Variants in CABLES2 observed in about 807,000 individuals in gnomAD.
CABLES2 encodes the protein CDK5 and ABL1 enzyme substrate 2.
CABLES2 carries 35 observed loss-of-function variants against 44.8 expected under a neutral mutation model. That is an observed-to-expected ratio of 0.78 (90% CI 0.60 to 1.04). The LOEUF is 1.04. Ranked by LOEUF, CABLES2 falls within the 50% of genes least tolerant of loss-of-function variation. The pLI is 0.00. For synonymous variants in CABLES2, 282 were observed against 281.1 expected, an observed-to-expected ratio of 1.00 and a Z score of -0.03; for missense variants, 566 against 615.7, an observed-to-expected ratio of 0.92 and a Z score of 0.85.
At chr20:62,405,135 C>T (rs1484474934) in intron 1 of CABLES2, 1 of 152,306 alleles carries the variant, frequency 6.6e-6, no homozygotes, top group Non-Finnish European at 1.5e-5. Context: ...TGCCTGGTGT[C>T]ACCATCCGGT....
At chr20:62,402,232 G>T (rs1988202696) in intron 1 of CABLES2, 1 of 152,274 alleles carries the variant, frequency 6.6e-6, no homozygotes, top group Non-Finnish European at 1.5e-5. Context: ...CTCACAGACA[G>T]GAAGAGAAAT....
At position 62,391,914 on chromosome 20, in the gene CABLES2, C is replaced by T. The variant is rs1042904454; in HGVS notation, c.1092-461G>A. 1.3e-5 allele frequency among the ~76,000 whole-genome samples: 2 copies of T among 152,010 alleles called. No homozygotes were observed. The highest frequency in any genetic ancestry group is 1.3e-4 in the Admixed American group (2 of 15,270). On this transcript the variant is annotated intron_variant, in intron 8 of 9. Coordinates refer to ENST00000279101, the MANE Select transcript of CABLES2 (RefSeq NM_031215.3). This position sits in a 1 kb window ranked among gnomAD's most constrained non-coding sequence, Gnocchi z 5.7. The stretch of plus-strand genomic sequence containing the variant: ...CCCGACGTGAGCCCAGCAGTTCCGC[C>T]GCCTTCTGCTCGCTTTCCTCCGGTC...
At chr20:62,394,909 G>A (rs774682016) in intron 4 of CABLES2, 28 bp downstream of exon 4, 22 of 1,601,448 alleles carry the variant, frequency 1.4e-5, no homozygotes, top group South Asian at 2.2e-5. Context: ...GATGGACACC[G>A]CATGCGAGGC....
chr20:62,398,187 A>ATGGTGATGATGG (rs1988106809), intron 1 of CABLES2, among the ~76,000 whole-genome samples: 1 of 92,660 alleles, frequency 1.1e-5, no homozygotes, highest in East Asian at 3.3e-4. Context: ...GGTGGTGGTG[A>ATGGTGATGATGG]TGGTGATGAT....
rs763201175 is a variant in CABLES2, at chr20:62,390,960, TG to T, written c.*10del. 13 of 1,613,594 alleles carry T rather than the reference TG, an allele frequency of 8.1e-6. No homozygotes were observed. The East Asian group carries it at 2.7e-4, about 33-fold the overall frequency. On this transcript the variant is annotated 3_prime_UTR_variant, in exon 10 of 10. Coordinates refer to ENST00000279101, the MANE Select transcript of CABLES2 (RefSeq NM_031215.3). ...GCACCTCGGTGCCCTGAGCCTTCTG[TG>T]GGGCCTCTGCTAGAACTGCTGGGTG... is the stretch of plus-strand genomic sequence containing the variant.
chr20:62,390,835 C>A lies in CABLES2; in HGVS notation c.*136G>T. ...AATGGCAAAGAGGCAAAAAGGAAAG[C>A]TGCACCAGCGGAGGCCAGGTGCCTC... On this transcript the variant is annotated 3_prime_UTR_variant, in exon 10 of 10. Coordinates refer to ENST00000279101, the MANE Select transcript of CABLES2 (RefSeq NM_031215.3). 2 of 1,000,318 alleles carry A rather than the reference C, an allele frequency of 2.0e-6. No individual in the cohort carries two copies. The highest frequency in any genetic ancestry group is 2.9e-6 in the Non-Finnish European group (2 of 678,652). The allele number at this position is 1,000,318 out of a possible 1,614,324, so 62.0% of individuals were successfully genotyped here.
intron 5 of CABLES2, 91 bp downstream of exon 5, chr20:62,394,066 C>T (rs1363935860): frequency 6.2e-6 from 6 of 960,334 alleles, no homozygotes; most frequent in South Asian, 2.6e-5. Context: ...CACAGCTTCA[C>T]GTGTGCCTCG....
In CABLES2 at chr20:62,406,905, C is replaced by T; in HGVS notation, c.362+10G>A. The stretch of plus-strand genomic sequence containing the variant: ...GCGTCCTGGGCTGACCTGGCCGGGC[C>T]CCCACTCACCTCTGGCGCTGCCCAT... On this transcript the variant is annotated intron_variant, in intron 1 of 9. Transcript: ENST00000279101. 1 of 1,215,008 alleles carries T rather than the reference C, an allele frequency of 8.2e-7. No individual in the cohort carries two copies. Among genetic ancestry groups the T allele is most frequent in the African/African-American group, 1.6e-5 (1 of 63,702 alleles). The allele number at this position is 1,215,008 out of a possible 1,614,324, so 75.3% of individuals were successfully genotyped here. A position where few individuals can be genotyped will look rare whatever the true frequency, so the allele number is the denominator to read the frequency against.
chr20:62,392,348 G>A, intron 8 of CABLES2, 41 bp downstream of exon 8: 1 of 1,411,014 alleles, frequency 7.1e-7, no homozygotes, highest in Non-Finnish European at 1.0e-6. Flanking sequence ...GGCTGGCAGG[G>A]CCTCCCAGGA....
chr20:62,400,915 T>C (rs2146427610), intron 1 of CABLES2, among the ~76,000 whole-genome samples: 1 of 152,376 alleles, frequency 6.6e-6, no homozygotes, highest in African/African-American at 2.4e-5. Context: ...TTTTCTTTTT[T>C]TGTAAGCATC....
intron 1 of CABLES2, among the ~76,000 whole-genome samples, chr20:62,399,308 G>A (rs111594110): frequency 9.8e-4 from 148 of 151,154 alleles, no homozygotes; most frequent in African/African-American, 3.5e-3. Context: ...TGGAGGGGGC[G>A]CCATCTTGGC....
Position 62,392,698 on chromosome 20 carries a change from T to C in CABLES2, c.985-203A>G, listed in dbSNP as rs980503815. On this transcript the variant is annotated intron_variant, in intron 7 of 9. Transcript: ENST00000279101. ...CCTGCTTGGTGTGGGGAGAGCCAGGTTGCCAGGTGCCGAGGGCGGAAGGGC... is the reference window on the plus strand; with the variant it reads ...CCTGCTTGGTGTGGGGAGAGCCAGGCTGCCAGGTGCCGAGGGCGGAAGGGC... Among the ~76,000 whole-genome samples, 48 of 152,154 alleles carry C rather than the reference T, an allele frequency of 3.2e-4. 1 individual carries two copies. Among genetic ancestry groups the C allele is most frequent in the Non-Finnish European group, 6.5e-4 (44 of 68,006 alleles).
chr20:62,391,533 G>T lies in CABLES2; in HGVS notation c.1092-80C>A. On this transcript the variant is annotated intron_variant, in intron 8 of 9. Coordinates refer to ENST00000279101, the MANE Select transcript of CABLES2 (RefSeq NM_031215.3). The surrounding 1 kb of genome is among the most constrained non-coding windows in gnomAD (Gnocchi z 5.7). Reference sequence around the variant, plus strand: ...GCAGCCCCCTGCCACCACCAACCGAGGCTGGAGCGATGTAGCTTTGGGCCG... The same window carrying T: ...GCAGCCCCCTGCCACCACCAACCGATGCTGGAGCGATGTAGCTTTGGGCCG... 6.9e-7 allele frequency: 1 copy of T among 1,444,266 alleles called. No homozygotes were observed. Among genetic ancestry groups the T allele is most frequent in the South Asian group, 1.2e-5 (1 of 85,444 alleles). The allele number at this position is 1,444,266 out of a possible 1,614,324, so 89.5% of individuals were successfully genotyped here.
At chr20:62,399,593 CTTT>C (rs71195455) in intron 1 of CABLES2, among the ~76,000 whole-genome samples, 7 of 107,620 alleles carry the variant, frequency 6.5e-5, no homozygotes, top group Admixed American at 1.1e-4. Flanking sequence ...GGGTCAGGTC[CTTT>C]TTTTTTTTTT....
Position 62,390,714 on chromosome 20 carries a change from T to C in CABLES2, c.*257A>G. 1 of 516,336 alleles carries C rather than the reference T, an allele frequency of 1.9e-6. No individual in the cohort carries two copies. Among genetic ancestry groups the C allele is most frequent in the African/African-American group, 1.9e-5 (1 of 52,684 alleles). 32.0% of individuals were successfully genotyped at this position (516,336 alleles called of 1,614,324 possible). On this transcript the variant is annotated 3_prime_UTR_variant, in exon 10 of 10. Transcript: ENST00000279101. ...GTGAAAAAAATACCAGTAACAAACC[T>C]CACATTTAGTTTATGTAAAAATGCA...
chr20:62,399,616 C>T (rs1988152414), intron 1 of CABLES2, among the ~76,000 whole-genome samples: 1 of 107,100 alleles, frequency 9.3e-6, no homozygotes, highest in African/African-American at 3.6e-5. Context: ...TTTTTTGAGA[C>T]AGAGTCTCAC....
intron 1 of CABLES2, chr20:62,402,638 G>A (rs1988210725): frequency 6.6e-6 from 1 of 152,272 alleles, no homozygotes; most frequent in South Asian, 2.1e-4. Flanking sequence ...CCATCCCCTG[G>A]ACCCTGGGGC....
chr20:62,402,062 C>A lies in CABLES2; in HGVS notation c.362+4853G>T, dbSNP rs188713038. On this transcript the variant is annotated intron_variant, in intron 1 of 9. Transcript: ENST00000279101. ...ACTGGCGGTGCCTACTCGTGGTTCC[C>A]CCCACGTGGCAGTGACCAGCTCAAA... is the stretch of plus-strand genomic sequence containing the variant. Among the ~76,000 whole-genome samples, 1,295 of 152,308 alleles carry A rather than the reference C, an allele frequency of 8.5e-3. 43 individuals carry two copies. Among genetic ancestry groups the A allele is most frequent in the Admixed American group, 0.056 (857 of 15,298 alleles).
intron 1 of CABLES2, among the ~76,000 whole-genome samples, chr20:62,400,054 A>C (rs941740339): frequency 6.6e-6 from 1 of 152,234 alleles, no homozygotes; most frequent in African/African-American, 2.4e-5. Context: ...AAAACAAGCT[A>C]GGATTGAAAG....
Sources: allele counts gnomAD v4.1 joint callset (sites outside exome capture counted in the v4.1 genomes callset), GRCh38; gene constraint gnomAD v4.1.1; non-coding constraint Gnocchi (gnomAD v3.1); transcripts MANE v1.5; gene names NCBI Gene and HGNC (gene_info 2026-07-23, HGNC 2026-07-21).